Variants in CHIT1 observed in about 807,000 individuals in gnomAD.
CHIT1 encodes the protein chitinase 1, also known as chitotriosidase-1.
A neutral mutation model predicts 52.0 loss-of-function variants in CHIT1; 47 were observed. The observed-to-expected ratio is 0.90, with a 90% CI of 0.71 to 1.15. The LOEUF (loss-of-function observed/expected upper bound fraction) is 1.15. CHIT1 is among the 50% of genes most tolerant of loss of function. The pLI is 0.00. For synonymous variants in CHIT1, 242 were observed against 228.2 expected (o/e 1.06, Z -0.54); for missense variants, 569 against 583.0 (o/e 0.98, Z 0.25).
rs956227761 is a variant in CHIT1 at position 203,218,142 on chromosome 1, T to G, written c.1030-277A>C. 4 of 1,419,424 alleles carry G rather than the reference T, an allele frequency of 2.8e-6. No individual in the cohort carries two copies. The Admixed American group carries it at 8.4e-5, about 30-fold the overall frequency. 87.9% of individuals were successfully genotyped at this position (1,419,424 alleles called of 1,614,324 possible). A position where few individuals can be genotyped will look rare whatever the true frequency, so the allele number is the denominator to read the frequency against. ...AGGAATAGTGTCAGTTGTGTGCACC[T>G]CCCTAAGTGGGAACCCTTCACCGCT... On this transcript the variant is annotated intron_variant, in intron 9 of 10. Coordinates refer to ENST00000367229, the MANE Select transcript of CHIT1 (RefSeq NM_003465.3).
chr1:203,219,883 C>T, intron 7 of CHIT1, 34 bp from the exon 8 acceptor site: 7 of 1,609,948 alleles, frequency 4.3e-6, no homozygotes, highest in South Asian at 1.1e-5. Flanking sequence ...TTTTCTCAGC[C>T]CTCAGCCTGG....
chr1:203,218,511 GC>G (rs937536961), intron 9 of CHIT1, among the ~76,000 whole-genome samples: 22 of 152,226 alleles, frequency 1.4e-4, no homozygotes, highest in African/African-American at 4.6e-4. Context: ...AGCTATGTGG[GC>G]CTACACTTTG....
At position 203,223,189 on chromosome 1, in the gene CHIT1, A is replaced by T; in HGVS notation, c.551T>A (p.Val184Asp). Residue 184 changes from valine (V) to aspartate (D), a missense_variant, in exon 6 of 11, where the codon GTT becomes GAT. Val to Asp is a radical substitution (Grantham distance 152). Transcript: ENST00000367229. ...ATCCACATAGGTCTGCCCAGCTGGA[A>T]CCGCTGCACTCAGAAGAAGGCGTTC... Reference protein sequence around the residue: ...GKERLLLSAAVPAGQTYVDAG... With the variant: ...GKERLLLSAADPAGQTYVDAG... The T allele has an allele frequency of 6.2e-7, 1 of 1,614,142 alleles. No homozygotes were observed. The highest frequency in any genetic ancestry group is 8.5e-7 in the Non-Finnish European group (1 of 1,180,026).
intron 1 of CHIT1, among the ~76,000 whole-genome samples, chr1:203,229,123 A>G (rs1006597689): frequency 4.6e-5 from 7 of 152,148 alleles, no homozygotes; most frequent in Middle Eastern, 3.2e-3. Flanking sequence ...GTGACCTTGG[A>G]CTTCTCTGTC....
chr1:203,219,640 C>T, intron 8 of CHIT1, 24 bp downstream of exon 8: 1 of 1,613,806 alleles, frequency 6.2e-7, no homozygotes, highest in Non-Finnish European at 8.5e-7. Flanking sequence ...TCACAATACC[C>T]AGGGTGGTTA....
At chr1:203,226,129 C>T (rs1890415) in intron 2 of CHIT1, among the ~76,000 whole-genome samples, 1,733 of 152,298 alleles carry the variant, frequency 0.011, 21 homozygotes, top group African/African-American at 0.04. Flanking sequence ...CTTCTTTTCC[C>T]GGGAAGCAAG....
In CHIT1 at chr1:203,219,707, G is replaced by A. The variant is rs1453211236; in HGVS notation, c.872C>T (p.Pro291Leu). 5.0e-6 allele frequency: 8 copies of A among 1,614,032 alleles called. No individual in the cohort carries two copies. The African/African-American group carries it at 9.3e-5, about 19-fold the overall frequency. ...VGAPATGSGTPGPFTKEGGML... is the reference protein window; with the variant it reads ...VGAPATGSGTLGPFTKEGGML... ...CCCTCCTTCCTTGGTGAAGGGGCCTGGAGTGCCAGACCCTGTGGCTGGGGC... is the reference window on the plus strand; with the variant it reads ...CCCTCCTTCCTTGGTGAAGGGGCCTAGAGTGCCAGACCCTGTGGCTGGGGC... The change falls in exon 8 of 11, where the codon CCA (proline) becomes CTA (leucine). Residue 291 changes from proline to leucine, a missense_variant. Transcript: ENST00000367229.
At position 203,216,628 on chromosome 1, in the gene CHIT1, A is replaced by G. The variant is rs752132396; in HGVS notation, c.*261T>C. On this transcript the variant is annotated 3_prime_UTR_variant, in exon 11 of 11. Coordinates refer to ENST00000367229, the MANE Select transcript of CHIT1 (RefSeq NM_003465.3). ...GACCTGCGGATGTTTTGGAGTCAACAGTGTGCTTAGAGAGCCTCTTAAGTC... is the reference window on the plus strand; with the variant it reads ...GACCTGCGGATGTTTTGGAGTCAACGGTGTGCTTAGAGAGCCTCTTAAGTC... 1.8e-6 allele frequency: 1 copy of G among 562,818 alleles called. No homozygotes were observed. Among genetic ancestry groups the G allele is most frequent in the South Asian group, 1.5e-5 (1 of 65,446 alleles). 34.9% of individuals were successfully genotyped at this position (562,818 alleles called of 1,614,324 possible).
At chr1:203,229,766 G>GGGA, upstream of CHIT1, 1 of 1,014,078 alleles carries the variant, frequency 9.9e-7, no homozygotes, top group Non-Finnish European at 1.5e-6. Flanking sequence ...GGGGGGATGG[G>GGGA]AGCAGGGTGG....
chr1:203,217,650 G>A (rs2102229665), intron 10 of CHIT1, 89 bp downstream of exon 10: 1 of 1,596,238 alleles, frequency 6.3e-7, no homozygotes. Context: ...TCCTCAGAAG[G>A]ACCCGGGACC....
intron 1 of CHIT1, 51 bp from the exon 2 acceptor site, chr1:203,228,613 C>T: frequency 6.4e-6 from 10 of 1,554,184 alleles, no homozygotes. Context: ...TTCTCACCTT[C>T]CCAGGCCCCA....
chr1:203,219,936 A>T, intron 7 of CHIT1, 87 bp from the exon 8 acceptor site: 1 of 1,503,886 alleles, frequency 6.6e-7, no homozygotes. Flanking sequence ...CAGAGCTAGG[A>T]GGGCAGGGGC....
rs756171525 is a variant in CHIT1, at chr1:203,219,670, G to T, written c.909C>A (p.Tyr303Ter). 1.4e-5 allele frequency: 22 copies of T among 1,613,996 alleles called. No homozygotes were observed. In the African/African-American group the frequency reaches 2.9e-4, roughly 22 times the overall value. ...PFTKEGGMLA[Y>*]YEVCSWKGAT... ...TGGTTATGGGTTTTCCTACTTCATA[G>T]TAGGCCAGCATCCCTCCTTCCTTGG... is the stretch of plus-strand genomic sequence containing the variant. Residue 303 changes from tyrosine to a stop codon, truncating the protein, a stop_gained, in exon 8 of 11, where the codon TAC becomes TAA. Coordinates refer to ENST00000367229, the MANE Select transcript of CHIT1 (RefSeq NM_003465.3). LOFTEE classifies it high-confidence loss of function.
At position 203,220,066 on chromosome 1, in the gene CHIT1, G is replaced by T. The variant is rs76439765; in HGVS notation, c.730-217C>A. 8.7e-4 allele frequency among the ~76,000 whole-genome samples: 133 copies of T among 152,262 alleles called. 2 individuals carry two copies. In the East Asian group the frequency reaches 0.02, roughly 23 times the overall value. The stretch of plus-strand genomic sequence containing the variant: ...CTGCATGGCATGATAACCAGAGAGC[G>T]TGGGCTTCGGACGCAGACAACCATT... On this transcript the variant is annotated intron_variant, in intron 7 of 10. Coordinates refer to ENST00000367229, the MANE Select transcript of CHIT1 (RefSeq NM_003465.3).
Position 203,217,797 on chromosome 1 carries a change from G to A in CHIT1, c.1098C>T (p.Ala366=), listed in dbSNP as rs758032638. The A allele has an allele frequency of 1.6e-5, 21 of 1,346,720 alleles. No homozygotes were observed. Among genetic ancestry groups the A allele is most frequent in the South Asian group, 8.4e-5 (6 of 71,678 alleles). 83.4% of individuals were successfully genotyped at this position (1,346,720 alleles called of 1,614,324 possible). ...ATCGGCCCTGGTTGCAGGAGAAGCCGGCAAAGTCATCTAAGTCCAGTGCCC... is the reference window on the plus strand; with the variant it reads ...ATCGGCCCTGGTTGCAGGAGAAGCCAGCAAAGTCATCTAAGTCCAGTGCCC... ...MVWALDLDDF[A]GFSCNQGRYP... Residue 366 remains alanine (A), a synonymous_variant, in exon 10 of 11, where the codon GCC becomes GCT. Transcript: ENST00000367229.
rs41315577 is a variant in CHIT1 at position 203,217,654 on chromosome 1, C to T, written c.1156+85G>A. ...GCAAAGTCATTTCCTCAGAAGGACC[C>T]GGGACCTACAGTTCATTGGATGCAT... On this transcript the variant is annotated intron_variant, in intron 10 of 10. Coordinates refer to ENST00000367229, the MANE Select transcript of CHIT1 (RefSeq NM_003465.3). 4.8e-4 allele frequency: 761 copies of T among 1,601,298 alleles called. 4 individuals carry two copies. The highest frequency in any genetic ancestry group is 1.1e-3 in the East Asian group (51 of 44,752).
Position 203,229,194 on chromosome 1 carries a change from C to T in CHIT1, c.25+418G>A, listed in dbSNP as rs113044316. ...GCCCAGGATCTTGGCCCCAGGCTGC[C>T]CTCTTGCAGGACAGACAATATGAGG... On this transcript the variant is annotated intron_variant, in intron 1 of 10. Transcript: ENST00000367229. Among the ~76,000 whole-genome samples, 199 of 152,246 alleles carry T rather than the reference C, an allele frequency of 1.3e-3. 2 individuals are homozygous for T. Among genetic ancestry groups the T allele is most frequent in the African/African-American group, 4.4e-3 (183 of 41,544 alleles).
chr1:203,225,115 C>A lies in CHIT1; in HGVS notation c.258-11G>T. The A allele has an allele frequency of 6.2e-7, 1 of 1,613,698 alleles. No individual in the cohort carries two copies. Among genetic ancestry groups the A allele is most frequent in the South Asian group, 1.1e-5 (1 of 91,070 alleles). ...TTCAGCTTGGGATTCCTGGGAAAGA[C>A]AGGAGACACAGCAGGATTTACTCTG... On this transcript the variant is annotated splice_polypyrimidine_tract_variant and intron_variant, in intron 3 of 10. Transcript: ENST00000367229.
chr1:203,217,585 T>C (rs1008470319), intron 10 of CHIT1, among the ~76,000 whole-genome samples, 154 bp downstream of exon 10: 12 of 152,216 alleles, frequency 7.9e-5, no homozygotes, highest in Non-Finnish European at 1.6e-4. Context: ...ACAGTTTCCT[T>C]AGCTCCTGCG....
Sources: gnomAD v4.1 joint callset for allele counts (sites outside exome capture counted in the v4.1 genomes callset) on GRCh38, gnomAD v4.1.1 for gene constraint, MANE v1.5 for transcripts, NCBI Gene and HGNC (gene_info 2026-07-23, HGNC 2026-07-21) for gene names.